Variants in CADM2 observed in about 807,000 individuals in gnomAD.
CADM2 encodes cell adhesion molecule 2, also known as immunoglobulin superfamily member 4D.
In CADM2, 12 loss-of-function variants were observed where a neutral mutation model predicts 49.8. That is an observed-to-expected ratio of 0.24 (90% CI 0.15 to 0.39). The LOEUF (loss-of-function observed/expected upper bound fraction) is 0.39. Ranked by LOEUF, CADM2 falls within the 10% of genes least tolerant of loss-of-function variation. CADM2 has a pLI of 1.00. For synonymous variants in CADM2, 214 were observed against 175.4 expected (o/e 1.22, Z -1.74); for missense variants, 378 against 492.3 (o/e 0.77, Z 2.20).
intron 1 of CADM2, among the ~76,000 whole-genome samples, chr3:85,512,483 T>C (rs1263389196): frequency 1.3e-5 from 2 of 152,080 alleles, no homozygotes; most frequent in Non-Finnish European, 2.9e-5. Flanking sequence ...GTGTTTGTTT[T>C]GTTATGACAT....
chr3:85,698,725 C>T (rs1426348915), intron 1 of CADM2, among the ~76,000 whole-genome samples: 1 of 152,158 alleles, frequency 6.6e-6, no homozygotes, highest in Admixed American at 6.5e-5. Flanking sequence ...CTACCATGCT[C>T]TACCTTCAGC....
chr3:85,660,731 T>C (rs966941287), intron 1 of CADM2, among the ~76,000 whole-genome samples: 6 of 151,988 alleles, frequency 3.9e-5, no homozygotes, highest in African/African-American at 1.4e-4. Context: ...GATCAGTCAG[T>C]TTCCTCCTTC....
chr3:85,833,277 C>G (rs1396251613), intron 3 of CADM2, among the ~76,000 whole-genome samples: 1 of 144,746 alleles, frequency 6.9e-6, no homozygotes, highest in Admixed American at 6.9e-5. Context: ...CTGCAGTTTT[C>G]TTTGTTGTTG....
At chr3:85,865,895 G>C (rs1183395326) in intron 3 of CADM2, among the ~76,000 whole-genome samples, 1 of 152,172 alleles carries the variant, frequency 6.6e-6, no homozygotes, top group African/African-American at 2.4e-5. Context: ...TGACATTTCA[G>C]TGAGAGTGGA....
At chr3:85,184,636 C>A (rs1373108946) in intron 1 of CADM2, among the ~76,000 whole-genome samples, 1 of 151,868 alleles carries the variant, frequency 6.6e-6, no homozygotes, top group Non-Finnish European at 1.5e-5. Flanking sequence ...GTAAAGTAGA[C>A]CTTGCTCTGA....
chr3:85,867,502 T>C (rs1240804228), intron 3 of CADM2, among the ~76,000 whole-genome samples: 2 of 152,058 alleles, frequency 1.3e-5, no homozygotes, highest in African/African-American at 2.4e-5. Context: ...GTTGCCAGTC[T>C]CAAAAGTAAA....
At chr3:85,041,314 T>C (rs1460231627) in intron 1 of CADM2, among the ~76,000 whole-genome samples, 1 of 152,142 alleles carries the variant, frequency 6.6e-6, no homozygotes, top group Non-Finnish European at 1.5e-5. Flanking sequence ...CATATATCTA[T>C]ATTTACACAG....
At chr3:85,454,347 T>A (rs6810225) in intron 1 of CADM2, among the ~76,000 whole-genome samples, 129,221 of 151,470 alleles carry the variant, frequency 0.85, 55,354 homozygotes, top group East Asian at 0.95. Flanking sequence ...AAAAAGTTTT[T>A]AAAAAAATGC....
At chr3:85,569,751 G>C (rs2062425699) in intron 1 of CADM2, among the ~76,000 whole-genome samples, 1 of 148,962 alleles carries the variant, frequency 6.7e-6, no homozygotes, top group Middle Eastern at 3.6e-3. Context: ...TGAGAAATTA[G>C]AGTCAATGAT....
chr3:86,055,964 G>T (rs1404590962), intron 8 of CADM2, among the ~76,000 whole-genome samples: 1 of 152,144 alleles, frequency 6.6e-6, no homozygotes, highest in Non-Finnish European at 1.5e-5. Context: ...AGGAAAATTA[G>T]ACTCTAAGTT....
chr3:85,265,684 C>T (rs1341814435), intron 1 of CADM2, among the ~76,000 whole-genome samples: 1 of 151,946 alleles, frequency 6.6e-6, no homozygotes, highest in African/African-American at 2.4e-5. Flanking sequence ...TTGGGGGACA[C>T]ATTCAAACCG....
rs138813729 is a variant in CADM2, at chr3:85,968,121, G to A, written c.970+6474G>A. On this transcript the variant is annotated intron_variant, in intron 8 of 9. Coordinates refer to ENST00000383699, the MANE Select transcript of CADM2 (RefSeq NM_001167675.2). ...CCTATGGTTGCTGCTCTCATCTCTG[G>A]TTGAGAGTTTCCAGGCAGTAACTAG... Among the ~76,000 whole-genome samples the A allele has an allele frequency of 2.0e-5, 3 of 151,714 alleles. No homozygotes were observed. The East Asian group carries it at 5.9e-4, about 30-fold the overall frequency.
chr3:85,874,143 A>G (rs1161973910), intron 3 of CADM2, among the ~76,000 whole-genome samples: 1 of 152,130 alleles, frequency 6.6e-6, no homozygotes, highest in Non-Finnish European at 1.5e-5. Flanking sequence ...GTACTCTAAG[A>G]AGTTGTTTAT....
intron 1 of CADM2, among the ~76,000 whole-genome samples, chr3:85,570,322 C>T (rs1209296402): frequency 2.0e-5 from 3 of 151,952 alleles, no homozygotes; most frequent in Non-Finnish European, 4.4e-5. Flanking sequence ...CAGAGGCTAC[C>T]AAGAAGAGCA....
At chr3:84,968,393 G>A (rs936878474) in intron 1 of CADM2, among the ~76,000 whole-genome samples, 6 of 152,142 alleles carry the variant, frequency 3.9e-5, no homozygotes, top group East Asian at 1.9e-4. Flanking sequence ...AATTATGCAC[G>A]TGTCCTCATT....
chr3:85,244,730 AT>A (rs927312776), intron 1 of CADM2, among the ~76,000 whole-genome samples: 1 of 152,120 alleles, frequency 6.6e-6, no homozygotes, highest in African/African-American at 2.4e-5. Flanking sequence ...TTCTGAGGTC[AT>A]TGATTCCATT....
chr3:85,623,912 CTA>C (rs756022014), intron 1 of CADM2, among the ~76,000 whole-genome samples: 47 of 151,838 alleles, frequency 3.1e-4, no homozygotes, highest in Non-Finnish European at 6.0e-4. Context: ...TTAGAAATCT[CTA>C]TGAGAAAAAA....
intron 2 of CADM2, among the ~76,000 whole-genome samples, chr3:85,768,400 C>A (rs9831775): frequency 2.0e-5 from 3 of 151,180 alleles, no homozygotes; most frequent in African/African-American, 7.3e-5. Flanking sequence ...GATCCCAGAT[C>A]GCACCATTGC....
At chr3:86,018,379 T>C (rs1006798369) in intron 8 of CADM2, among the ~76,000 whole-genome samples, 4 of 150,660 alleles carry the variant, frequency 2.7e-5, no homozygotes, top group Non-Finnish European at 5.9e-5. Flanking sequence ...TTATAATCCT[T>C]TGGGTATATA....
Sources: gnomAD v4.1 joint callset for allele counts (sites outside exome capture counted in the v4.1 genomes callset) on GRCh38, gnomAD v4.1.1 for gene constraint, MANE v1.5 for transcripts, NCBI Gene and HGNC (gene_info 2026-07-23, HGNC 2026-07-21) for gene names.